The following ADCY8 variants were observed in gnomAD, a reference collection of about 807,000 sequenced individuals.
ADCY8 encodes adenylate cyclase 8, also known as adenylate cyclase type 8.
In ADCY8, 51 loss-of-function variants were observed where a neutral mutation model predicts 119.7. The ratio of observed to expected loss-of-function variants is 0.43; its 90% CI spans 0.34 to 0.54. The LOEUF is 0.54. Ranked by LOEUF, ADCY8 falls within the 20% of genes least tolerant of loss-of-function variation. ADCY8 has a pLI of 0.03. For missense variants in ADCY8, 1,383 were observed against 1,598.8 expected (o/e 0.87, Z 2.30); for synonymous variants, 665 against 651.0 (o/e 1.02, Z -0.33).
chr8:130,882,081 T>C (rs2130451551), intron 8 of ADCY8, among the ~76,000 whole-genome samples: 1 of 151,786 alleles, frequency 6.6e-6, no homozygotes, highest in South Asian at 2.1e-4. Context: ...TGTGTGTGTG[T>C]ATGTGTGTGT....
chr8:130,978,986 G>A (rs1328118550), intron 2 of ADCY8, among the ~76,000 whole-genome samples: 1 of 152,192 alleles, frequency 6.6e-6, no homozygotes, highest in African/African-American at 2.4e-5. Context: ...AGCTGTGCCT[G>A]AAGCCTGCTT....
chr8:130,818,382 A>C (rs1434915310), intron 13 of ADCY8, among the ~76,000 whole-genome samples: 1 of 152,202 alleles, frequency 6.6e-6, no homozygotes, highest in Admixed American at 6.5e-5. Context: ...GGCAAAGCCC[A>C]AACCTCCAGG....
chr8:130,859,207 A>G (rs1372486112), intron 9 of ADCY8, among the ~76,000 whole-genome samples: 1 of 152,194 alleles, frequency 6.6e-6, no homozygotes, highest in African/African-American at 2.4e-5. Context: ...ATATCTATAA[A>G]TATTCCTACA....
chr8:130,879,299 A>G (rs1818682374), intron 8 of ADCY8, among the ~76,000 whole-genome samples: 1 of 152,232 alleles, frequency 6.6e-6, no homozygotes, highest in African/African-American at 2.4e-5. Flanking sequence ...AAAAAGACAA[A>G]GGTGAGCACT....
chr8:130,941,630 G>A (rs1014372619), intron 4 of ADCY8, among the ~76,000 whole-genome samples: 3 of 152,100 alleles, frequency 2.0e-5, no homozygotes, highest in African/African-American at 7.2e-5. Context: ...CCTATTAGGA[G>A]GATCCCTCAG....
intron 2 of ADCY8, among the ~76,000 whole-genome samples, chr8:130,960,569 G>A (rs891133863): frequency 5.9e-5 from 9 of 152,090 alleles, no homozygotes; most frequent in Non-Finnish European, 8.8e-5. Context: ...AGGCACAGGC[G>A]AGAATGATAC....
At chr8:130,853,300 G>A (rs901989600) in intron 9 of ADCY8, among the ~76,000 whole-genome samples, 3 of 152,244 alleles carry the variant, frequency 2.0e-5, no homozygotes, top group Non-Finnish European at 2.9e-5. Context: ...AGAAAGCCCA[G>A]GTTGGCTTAA....
chr8:131,031,889 G>A (rs1044056378), intron 1 of ADCY8, among the ~76,000 whole-genome samples: 1 of 151,906 alleles, frequency 6.6e-6, no homozygotes, highest in Non-Finnish European at 1.5e-5. Context: ...TATATTCTGA[G>A]TCAAAGAAAT....
chr8:130,925,981 T>G (rs1182137305), intron 5 of ADCY8, among the ~76,000 whole-genome samples: 1 of 152,202 alleles, frequency 6.6e-6, no homozygotes, highest in Admixed American at 6.5e-5. Context: ...ACAGTCATCT[T>G]CCTGACATCC....
intron 7 of ADCY8, among the ~76,000 whole-genome samples, chr8:130,903,295 C>T (rs1819662566): frequency 6.6e-6 from 1 of 152,022 alleles, no homozygotes; most frequent in Admixed American, 6.5e-5. Context: ...CTCTAGGCAT[C>T]ACTTGGTGCT....
At chr8:130,815,750 C>T (rs1035085585) in intron 13 of ADCY8, among the ~76,000 whole-genome samples, 21 of 152,230 alleles carry the variant, frequency 1.4e-4, no homozygotes, top group African/African-American at 5.1e-4. Flanking sequence ...TCCACATTTA[C>T]ACACTTTAAC....
chr8:130,945,521 A>G (rs1821081813), intron 3 of ADCY8, among the ~76,000 whole-genome samples: 1 of 152,240 alleles, frequency 6.6e-6, no homozygotes, highest in African/African-American at 2.4e-5. Flanking sequence ...CTAGCTCTGT[A>G]AACTGGAGAT....
chr8:130,917,763 T>TTGTGTGTG lies in ADCY8; in HGVS notation c.1482-7905_1482-7898dup, dbSNP rs146136196. On this transcript the variant is annotated intron_variant, in intron 5 of 17. Transcript: ENST00000286355. ...CAGGGGTGAGGGAGGCACAGGGAGTTTGTGTGTGTGTGTGTGTGTGTGTGT... is the reference window on the plus strand; with the variant it reads ...CAGGGGTGAGGGAGGCACAGGGAGTTTGTGTGTGTGTGTGTGTGTGTGTGTGTGTGTGT... 3.9e-3 allele frequency among the ~76,000 whole-genome samples: 578 copies of TTGTGTGTG among 147,432 alleles called. 1 individual carries two copies. Among genetic ancestry groups the TTGTGTGTG allele is most frequent in the South Asian group, 6.8e-3 (31 of 4,552 alleles).
Position 131,040,380 on chromosome 8 carries a change from C to A in ADCY8, c.-47G>T, listed in dbSNP as rs1309024330. The A allele has an allele frequency of 1.7e-5, 24 of 1,438,206 alleles. No homozygotes were observed. Among genetic ancestry groups the A allele is most frequent in the Non-Finnish European group, 2.0e-5 (22 of 1,102,490 alleles). 89.1% of individuals were successfully genotyped at this position (1,438,206 alleles called of 1,614,324 possible). Reference sequence around the variant, plus strand: ...AGGCCCAGAACCTTGGGGAGGCAGCCGGAGGAGGGGTTCCTAAAGACTCAA... The same window carrying A: ...AGGCCCAGAACCTTGGGGAGGCAGCAGGAGGAGGGGTTCCTAAAGACTCAA... On this transcript the variant is annotated 5_prime_UTR_variant, in exon 1 of 18. Coordinates refer to ENST00000286355, the MANE Select transcript of ADCY8 (RefSeq NM_001115.3).
intron 4 of ADCY8, among the ~76,000 whole-genome samples, chr8:130,940,785 C>T (rs748673897): frequency 6.6e-6 from 1 of 152,140 alleles, no homozygotes; most frequent in Non-Finnish European, 1.5e-5. Flanking sequence ...GGCCTTATTG[C>T]AATCCTTTCC....
chr8:130,954,932 G>C (rs531569226), intron 2 of ADCY8, among the ~76,000 whole-genome samples: 1 of 152,200 alleles, frequency 6.6e-6, no homozygotes, highest in Non-Finnish European at 1.5e-5. Context: ...AAGAACCATT[G>C]TTCATTAAGG....
intron 15 of ADCY8, among the ~76,000 whole-genome samples, chr8:130,794,304 G>C (rs932586647): frequency 6.6e-6 from 1 of 152,196 alleles, no homozygotes; most frequent in Non-Finnish European, 1.5e-5. Flanking sequence ...GAGTGCAGTG[G>C]TGCGATCTCG....
intron 13 of ADCY8, among the ~76,000 whole-genome samples, chr8:130,819,423 T>C (rs1816441594): frequency 6.6e-6 from 1 of 152,180 alleles, no homozygotes; most frequent in South Asian, 2.1e-4. Flanking sequence ...GAGCACAGGA[T>C]AAATCAAATC....
At position 130,800,384 on chromosome 8, in the gene ADCY8, G is replaced by A. The variant is rs377250474; in HGVS notation, c.3060+42C>T. On this transcript the variant is annotated intron_variant, in intron 15 of 17. Transcript: ENST00000286355. ...ATGAATAACACAACGCTTTGACAAC[G>A]ATGCCCATTTGTGATTGTAAATGTC... 25 of 1,607,414 alleles carry A rather than the reference G, an allele frequency of 1.6e-5. No individual in the cohort carries two copies. The African/African-American group carries it at 1.6e-4, about 10-fold the overall frequency.
Sources: gnomAD v4.1 joint callset for allele counts (sites outside exome capture counted in the v4.1 genomes callset) on GRCh38, gnomAD v4.1.1 for gene constraint, MANE v1.5 for transcripts, NCBI Gene and HGNC (gene_info 2026-07-23, HGNC 2026-07-21) for gene names.